Variants in SLC35D2 observed in about 807,000 individuals in gnomAD.
The protein encoded by SLC35D2 is solute carrier family 35 member D2, also known as nucleotide sugar transporter SLC35D2.
In SLC35D2, 43 loss-of-function variants were observed where a neutral mutation model predicts 41.8. That is an observed-to-expected ratio of 1.03 (90% CI 0.81 to 1.33). SLC35D2 has a LOEUF of 1.33. Among genes scored for constraint, SLC35D2 ranks in the 40% most tolerant of loss-of-function variants. The pLI, the probability that SLC35D2 is intolerant of heterozygous loss-of-function variation, is 0.00. For synonymous variants in SLC35D2, 150 were observed against 163.9 expected (o/e 0.92, Z 0.65); for missense variants, 380 against 408.4 (o/e 0.93, Z 0.60).
At chr9:96,383,240 G>A (rs1587736141) in intron 1 of SLC35D2, among the ~76,000 whole-genome samples, 2 of 152,230 alleles carry the variant, frequency 1.3e-5, no homozygotes, top group East Asian at 3.9e-4. Context: ...ACCTAGGACA[G>A]GGCGCCTCGC....
chr9:96,381,620 C>G (rs1041159554), intron 1 of SLC35D2, among the ~76,000 whole-genome samples: 2 of 152,190 alleles, frequency 1.3e-5, no homozygotes, highest in Non-Finnish European at 2.9e-5. Flanking sequence ...TTGGTCACAT[C>G]TGACATAATG....
chr9:96,338,126 A>G (rs1829136771), intron 8 of SLC35D2, among the ~76,000 whole-genome samples: 1 of 152,252 alleles, frequency 6.6e-6, no homozygotes, highest in South Asian at 2.1e-4. Flanking sequence ...GTATCCAAAA[A>G]CGATCTGAAA....
Position 96,350,120 on chromosome 9 carries a change from A to G in SLC35D2, c.488+983T>C, listed in dbSNP as rs548784902. On this transcript the variant is annotated intron_variant, in intron 6 of 11. Transcript: ENST00000253270. Reference sequence around the variant, plus strand: ...AGAAAGGTACAGATGACACGTAAGTAATAAACCTTAGTCTACACAATGGAC... The same window carrying G: ...AGAAAGGTACAGATGACACGTAAGTGATAAACCTTAGTCTACACAATGGAC... Among the ~76,000 whole-genome samples, 248 of 152,252 alleles carry G rather than the reference A, an allele frequency of 1.6e-3. 1 individual carries two copies. The highest frequency in any genetic ancestry group is 5.7e-3 in the African/African-American group (237 of 41,548).
At chr9:96,353,860 C>T (rs920791725) in intron 4 of SLC35D2, among the ~76,000 whole-genome samples, 7 of 152,204 alleles carry the variant, frequency 4.6e-5, no homozygotes, top group Admixed American at 1.3e-4. Flanking sequence ...CTTCTAGATG[C>T]GACCCTGAGC....
intron 1 of SLC35D2, 74 bp from the exon 2 acceptor site, chr9:96,368,379 C>A (rs1258455559): frequency 1.4e-5 from 15 of 1,070,434 alleles, no homozygotes; most frequent in Non-Finnish European, 1.8e-5. Context: ...TAAATAATGA[C>A]AAGTTATTAA....
intron 9 of SLC35D2, among the ~76,000 whole-genome samples, chr9:96,336,491 AT>A: frequency 6.6e-6 from 1 of 152,376 alleles, no homozygotes; most frequent in Middle Eastern, 3.4e-3. Context: ...AGAACAGGAC[AT>A]TAGCATGACT....
chr9:96,319,985 A>G (rs1372088318), downstream of SLC35D2, among the ~76,000 whole-genome samples: 1 of 152,210 alleles, frequency 6.6e-6, no homozygotes, highest in Non-Finnish European at 1.5e-5. Context: ...TAGTAGAGAC[A>G]AGATTAGTTA....
rs1457827797 is a variant in SLC35D2 at position 96,378,211 on chromosome 9, ACC to A, written c.158+5264_158+5265del. Among the ~76,000 whole-genome samples, 240 of 151,772 alleles carry A rather than the reference ACC, an allele frequency of 1.6e-3. 4 individuals are homozygous for A. The highest frequency in any genetic ancestry group is 4.6e-4 in the Non-Finnish European group (31 of 67,974). The stretch of plus-strand genomic sequence containing the variant: ...CACTTTAGGAGGCCAAGCCAGGTGG[ACC>A]ACTTGAGCCCAAGAGTTCGAGACCA... On this transcript the variant is annotated intron_variant, in intron 1 of 11. Coordinates refer to ENST00000253270, the MANE Select transcript of SLC35D2 (RefSeq NM_007001.3).
At chr9:96,315,555 T>G (rs1828032579) in intron 11 of SLC35D2, among the ~76,000 whole-genome samples, 1 of 150,958 alleles carries the variant, frequency 6.6e-6, no homozygotes, top group African/African-American at 2.4e-5. Flanking sequence ...TGCCTCAGCC[T>G]CCCGAGTAGC....
At chr9:96,354,766 CAA>C (rs59013884) in intron 4 of SLC35D2, among the ~76,000 whole-genome samples, 7 of 46,710 alleles carry the variant, frequency 1.5e-4, no homozygotes, top group African/African-American at 1.8e-4. Flanking sequence ...GACTCCATCT[CAA>C]AAAAAAAAAA....
Position 96,360,204 on chromosome 9 carries a change from G to C in SLC35D2, c.297C>G (p.Leu99=), listed in dbSNP as rs763878202. Residue 99 remains leucine (L), a synonymous_variant, in exon 4 of 12, where the codon CTC becomes CTG. Transcript: ENST00000253270. ...KIPVKLFPLP[L]LYVGNHISGL... is the part of the protein sequence containing the mutation. ...CACTTATGTGGTTTCCAACGTAGAG[G>C]AGAGGCAGAGGAAACAGCTTCCATT... 2.7e-5 allele frequency: 44 copies of C among 1,611,910 alleles called. No individual in the cohort carries two copies. The highest frequency in any genetic ancestry group is 3.6e-5 in the Non-Finnish European group (42 of 1,178,800).
chr9:96,371,718 C>CTTTTTTTT (rs774105070), intron 1 of SLC35D2, among the ~76,000 whole-genome samples: 1 of 90,590 alleles, frequency 1.1e-5, no homozygotes, highest in Non-Finnish European at 2.1e-5. Flanking sequence ...AACTAAATTT[C>CTTTTTTTT]TTTTTTTTTT....
chr9:96,327,113 C>T (rs537804381), intron 9 of SLC35D2, among the ~76,000 whole-genome samples: 1 of 152,276 alleles, frequency 6.6e-6, no homozygotes, highest in East Asian at 1.9e-4. Flanking sequence ...TCCTGCAGGC[C>T]GCCTATGCAC....
downstream of SLC35D2, among the ~76,000 whole-genome samples, chr9:96,318,258 G>A (rs934824092): frequency 6.6e-6 from 1 of 151,980 alleles, no homozygotes; most frequent in Admixed American, 6.6e-5. Flanking sequence ...TTGGGAGTTC[G>A]AGATCAGCCT....
rs190709598 is a variant in SLC35D2, at chr9:96,373,378, C to G, written c.159-5073G>C. Among the ~76,000 whole-genome samples the G allele has an allele frequency of 3.4e-4, 51 of 152,176 alleles. 1 individual carries two copies. The highest frequency in any genetic ancestry group is 3.3e-3 in the Admixed American group (51 of 15,274). ...TAATCACCCCCTCCCCTGATATGTC[C>G]TTTTTTTCTTTAAAAACTTGAGCCT... On this transcript the variant is annotated intron_variant, in intron 1 of 11. Transcript: ENST00000253270.
At chr9:96,350,436 T>C (rs1689345634) in intron 6 of SLC35D2, among the ~76,000 whole-genome samples, 1 of 146,356 alleles carries the variant, frequency 6.8e-6, no homozygotes, top group Non-Finnish European at 1.5e-5. Flanking sequence ...TCAGGTGATA[T>C]TCCCACCTAG....
At chr9:96,358,082 ATAT>A (rs1830112235) in intron 4 of SLC35D2, among the ~76,000 whole-genome samples, 1 of 54,024 alleles carries the variant, frequency 1.9e-5, no homozygotes, top group Non-Finnish European at 3.4e-5. Flanking sequence ...TATATATTTT[ATAT>A]ATATATATAT....
intron 11 of SLC35D2, 98 bp from the exon 12 acceptor site, chr9:96,321,439 G>A (rs1019546910): frequency 2.1e-5 from 16 of 757,800 alleles, no homozygotes; most frequent in Non-Finnish European, 3.4e-5. Flanking sequence ...TGCTTCATGC[G>A]GAGGGAATTA....
chr9:96,336,199 T>C (rs2130879906), intron 9 of SLC35D2, among the ~76,000 whole-genome samples: 1 of 152,180 alleles, frequency 6.6e-6, no homozygotes, highest in South Asian at 2.1e-4. Flanking sequence ...GTCACATAAT[T>C]ATTTGAGGAA....
Sources: allele counts gnomAD v4.1 joint callset (sites outside exome capture counted in the v4.1 genomes callset), GRCh38; gene constraint gnomAD v4.1.1; transcripts MANE v1.5; gene names NCBI Gene and HGNC (gene_info 2026-07-23, HGNC 2026-07-21).